FRAS1: variants seen among roughly 807,000 people sequenced by gnomAD.
FRAS1 encodes extracellular matrix organizing protein FRAS1.
A neutral mutation model predicts 435.2 loss-of-function variants in FRAS1; 290 were observed. That is an observed-to-expected ratio of 0.67 (90% CI 0.61 to 0.73). The LOEUF (loss-of-function observed/expected upper bound fraction) is 0.73, where lower values mean the gene tolerates loss of function less well. Among genes scored for constraint, FRAS1 ranks in the 30% least tolerant of loss-of-function variants. FRAS1 has a pLI of 0.00. For synonymous variants in FRAS1, 1,800 were observed against 1,851.0 expected (o/e 0.97, Z 0.71); for missense variants, 4,860 against 5,001.5 (o/e 0.97, Z 0.85).
intron 2 of FRAS1, among the ~76,000 whole-genome samples, chr4:78,067,346 G>T (rs1056764105): frequency 9.2e-5 from 14 of 152,038 alleles, no homozygotes; most frequent in Admixed American, 6.6e-5. Context: ...TTCTTCTGTT[G>T]TTCTGCCTAT....
At chr4:78,168,907 GA>G (rs770995396) in intron 2 of FRAS1, among the ~76,000 whole-genome samples, 2 of 152,136 alleles carry the variant, frequency 1.3e-5, no homozygotes, top group African/African-American at 2.4e-5. Flanking sequence ...TGAATCGTAT[GA>G]GGGTGCTTTG....
At chr4:78,370,081 C>A in intron 23 of FRAS1, 97 bp downstream of exon 23, 3 of 1,195,184 alleles carry the variant, frequency 2.5e-6, no homozygotes, top group Non-Finnish European at 3.6e-6. Context: ...CACCAGTCAT[C>A]ATATATTTTG....
At chr4:78,334,588 C>T (rs1267326960) in intron 19 of FRAS1, among the ~76,000 whole-genome samples, 8 of 151,524 alleles carry the variant, frequency 5.3e-5, no homozygotes, top group African/African-American at 1.9e-4. Flanking sequence ...TCAGGCTGGT[C>T]GTGATCTCGT....
intron 69 of FRAS1, among the ~76,000 whole-genome samples, chr4:78,525,976 C>G (rs1255401254): frequency 1.3e-5 from 2 of 152,176 alleles, no homozygotes; most frequent in Non-Finnish European, 2.9e-5. Flanking sequence ...GAAAGGGGAA[C>G]CTCAAAATTG....
chr4:78,193,095 C>G (rs1373390071), intron 2 of FRAS1, among the ~76,000 whole-genome samples: 1 of 152,200 alleles, frequency 6.6e-6, no homozygotes, highest in Non-Finnish European at 1.5e-5. Flanking sequence ...GAGTGAGTGT[C>G]TTAATCCTGA....
chr4:78,528,403 G>A lies in FRAS1; in HGVS notation c.10925+1746G>A, dbSNP rs1186405068. On this transcript the variant is annotated intron_variant, in intron 70 of 73. Transcript: ENST00000512123. ...CCAAAAAGATTCCTCGTGTGCCTTTGTAGTTCCTCCTTCACATCATCCATT... is the reference window on the plus strand; with the variant it reads ...CCAAAAAGATTCCTCGTGTGCCTTTATAGTTCCTCCTTCACATCATCCATT... Among the ~76,000 whole-genome samples, 5 of 152,308 alleles carry A rather than the reference G, an allele frequency of 3.3e-5. No individual in the cohort carries two copies. In the East Asian group the frequency reaches 9.6e-4, roughly 29 times the overall value.
At chr4:78,453,026 G>A (rs1719074138) in intron 47 of FRAS1, among the ~76,000 whole-genome samples, 2 of 148,054 alleles carry the variant, frequency 1.4e-5, no homozygotes, top group African/African-American at 5.3e-5. Flanking sequence ...GAGATGGGAG[G>A]CACATTCAAA....
chr4:78,215,067 G>C (rs2110089147), intron 2 of FRAS1, among the ~76,000 whole-genome samples: 1 of 152,194 alleles, frequency 6.6e-6, no homozygotes, highest in African/African-American at 2.4e-5. Context: ...ATGAGGTTTG[G>C]GGTACACCTG....
intron 2 of FRAS1, among the ~76,000 whole-genome samples, chr4:78,109,087 T>A (rs1439909311): frequency 1.6e-5 from 1 of 64,442 alleles, no homozygotes; most frequent in Admixed American, 2.0e-4. Context: ...TAACAGGCTC[T>A]GAAATTGTGG....
intron 14 of FRAS1, among the ~76,000 whole-genome samples, chr4:78,301,846 G>GTTTTTTTTTT (rs59794614): frequency 1.0e-3 from 105 of 103,796 alleles, no homozygotes; most frequent in East Asian, 3.5e-3. Context: ...CACAGAAACA[G>GTTTTTTTTTT]TTTTTTTTTT....
At chr4:78,371,314 T>G (rs1403304351) in intron 23 of FRAS1, among the ~76,000 whole-genome samples, 2 of 152,190 alleles carry the variant, frequency 1.3e-5, no homozygotes, top group East Asian at 3.8e-4. Context: ...TTACCTGATT[T>G]CTTTGGGACT....
chr4:78,364,570 G>A (rs545333399), intron 22 of FRAS1, among the ~76,000 whole-genome samples: 36 of 152,032 alleles, frequency 2.4e-4, no homozygotes, highest in South Asian at 4.2e-4. Flanking sequence ...GACTTGTATG[G>A]GAGTTACTTA....
chr4:78,392,239 A>G (rs1327301569), intron 29 of FRAS1, among the ~76,000 whole-genome samples: 3 of 152,158 alleles, frequency 2.0e-5, no homozygotes, highest in Non-Finnish European at 4.4e-5. Context: ...ACAGTGTCCT[A>G]TGAGATTAAA....
intron 58 of FRAS1, among the ~76,000 whole-genome samples, chr4:78,484,831 A>G (rs1720119872): frequency 6.6e-6 from 1 of 152,200 alleles, no homozygotes; most frequent in Admixed American, 6.5e-5. Flanking sequence ...AGGAACCAGC[A>G]TGCATTCTAG....
At chr4:78,167,656 A>G (rs1721388926) in intron 2 of FRAS1, among the ~76,000 whole-genome samples, 1 of 152,022 alleles carries the variant, frequency 6.6e-6, no homozygotes, top group Non-Finnish European at 1.5e-5. Flanking sequence ...CTGTTTCCCC[A>G]TTTTAGAGAT....
At chr4:78,305,976 G>A (rs550655723) in intron 14 of FRAS1, among the ~76,000 whole-genome samples, 121 of 151,966 alleles carry the variant, frequency 8.0e-4, no homozygotes, top group Non-Finnish European at 1.5e-3. Flanking sequence ...TTTACATTTT[G>A]GCATGATTTT....
At chr4:78,128,798 C>T (rs1719521442) in intron 2 of FRAS1, among the ~76,000 whole-genome samples, 1 of 152,142 alleles carries the variant, frequency 6.6e-6, no homozygotes, top group African/African-American at 2.4e-5. Context: ...GTTGCTGTTG[C>T]TTTTGGTGTA....
chr4:78,100,173 C>A (rs1324485923), intron 2 of FRAS1, among the ~76,000 whole-genome samples: 1 of 152,198 alleles, frequency 6.6e-6, no homozygotes, highest in Non-Finnish European at 1.5e-5. Context: ...GTAGCTTTCA[C>A]TTACTGTTAT....
intron 2 of FRAS1, among the ~76,000 whole-genome samples, chr4:78,197,113 C>CT (rs1181940524): frequency 6.6e-6 from 1 of 151,888 alleles, no homozygotes; most frequent in Non-Finnish European, 1.5e-5. Flanking sequence ...ACAGGCAATT[C>CT]TTTTTTTTAT....
Sources: gnomAD v4.1 joint callset for allele counts (sites outside exome capture counted in the v4.1 genomes callset) on GRCh38, gnomAD v4.1.1 for gene constraint, MANE v1.5 for transcripts, NCBI Gene and HGNC (gene_info 2026-07-23, HGNC 2026-07-21) for gene names.